Variants in SSR1 observed in about 807,000 individuals in gnomAD.
The protein encoded by SSR1 is signal sequence receptor subunit 1.
SSR1 carries 13 observed loss-of-function variants against 36.1 expected under a neutral mutation model. The observed-to-expected ratio is 0.36, with a 90% CI of 0.23 to 0.57. The LOEUF is 0.57. Ranked by LOEUF, SSR1 falls within the 20% of genes least tolerant of loss-of-function variation. The pLI is 0.81. For missense variants in SSR1, 291 were observed against 338.5 expected (o/e 0.86, Z 1.10); for synonymous variants, 113 against 118.9 (o/e 0.95, Z 0.32).
In SSR1 at chr6:7,285,127, G is replaced by A. The variant is rs1259314074; in HGVS notation, c.*4737C>T. Reference sequence around the variant, plus strand: ...ACCTAATTGTGAACTAGAAGCTGGGGATGAAAAACAAGCCAGATACAGAGC... The same window carrying A: ...ACCTAATTGTGAACTAGAAGCTGGGAATGAAAAACAAGCCAGATACAGAGC... On this transcript the variant is annotated 3_prime_UTR_variant, in exon 8 of 8. Coordinates refer to ENST00000244763, the MANE Select transcript of SSR1 (RefSeq NM_003144.5). This position sits in a 1 kb window ranked among gnomAD's most constrained non-coding sequence, Gnocchi z 4.1. 2.0e-5 allele frequency: 3 copies of A among 152,150 alleles called. No individual in the cohort carries two copies. The highest frequency in any genetic ancestry group is 4.4e-5 in the Non-Finnish European group (3 of 68,040). 9.4% of individuals were successfully genotyped at this position (152,150 alleles called of 1,614,324 possible).
At position 7,297,993 on chromosome 6, in the gene SSR1, A is replaced by G. The variant is rs549066739; in HGVS notation, c.629T>C (p.Met210Thr). The change falls in exon 6 of 8, where the codon ATG becomes ACG. Residue 210 changes from methionine (M) to threonine (T), a missense_variant. Physicochemically the swap from Met to Thr is moderately conservative, Grantham distance 81. Transcript: ENST00000244763. Reference protein sequence around the residue: ...EDGLDGETIFMYMFLAGLGLL... With the variant: ...EDGLDGETIFTYMFLAGLGLL... ...CCCAAGACCAGCAAGGAACATATACATAAAGATTCTGGTACAAAAGGAGAA... is the reference window on the plus strand; with the variant it reads ...CCCAAGACCAGCAAGGAACATATACGTAAAGATTCTGGTACAAAAGGAGAA... 2 of 1,612,942 alleles carry G rather than the reference A, an allele frequency of 1.2e-6. No individual in the cohort carries two copies. The highest frequency in any genetic ancestry group is 1.3e-5 in the African/African-American group (1 of 75,040).
chr6:7,302,915 G>A (rs1757969243), intron 3 of SSR1, among the ~76,000 whole-genome samples: 1 of 152,002 alleles, frequency 6.6e-6, no homozygotes, highest in South Asian at 2.1e-4. Context: ...GAGACGGACA[G>A]ATCACGAGGT....
intron 2 of SSR1, among the ~76,000 whole-genome samples, chr6:7,305,784 T>C (rs2113296236): frequency 6.6e-6 from 1 of 152,332 alleles, no homozygotes; most frequent in South Asian, 2.1e-4. Context: ...GATGGCCTTC[T>C]TCACTTTCTG....
intron 2 of SSR1, among the ~76,000 whole-genome samples, chr6:7,304,605 GTGTA>G (rs1758010718): frequency 1.3e-5 from 2 of 152,150 alleles, no homozygotes; most frequent in Non-Finnish European, 2.9e-5. Context: ...AATTTACTAA[GTGTA>G]TGTTTAAAAC....
At chr6:7,301,767 G>C (rs62387315) in intron 3 of SSR1, among the ~76,000 whole-genome samples, 195 bp from the exon 4 acceptor site, 2 of 152,008 alleles carry the variant, frequency 1.3e-5, no homozygotes, top group African/African-American at 2.4e-5. Flanking sequence ...CCTTTTGTCT[G>C]TACGCTAGCA....
At chr6:7,301,030 T>TA (rs1004759981) in intron 4 of SSR1, among the ~76,000 whole-genome samples, 5 of 152,180 alleles carry the variant, frequency 3.3e-5, no homozygotes, top group Non-Finnish European at 4.4e-5. Context: ...TAGCTTTACT[T>TA]ACATCTCCAT....
At chr6:7,290,001 G>T in intron 7 of SSR1, 70 bp from the exon 8 acceptor site, 1 of 1,332,382 alleles carries the variant, frequency 7.5e-7, no homozygotes, top group Non-Finnish European at 1.0e-6. Context: ...ATGTTAAAAA[G>T]TATTTACCTT....
At position 7,284,518 on chromosome 6, in the gene SSR1, G is replaced by A. The variant is rs551877246; in HGVS notation, c.*5346C>T. ...CCATGCTTCATGGGATGTTATTACAGTATGGTGCTTTACAGCGAAAATGAG... is the reference window on the plus strand; with the variant it reads ...CCATGCTTCATGGGATGTTATTACAATATGGTGCTTTACAGCGAAAATGAG... On this transcript the variant is annotated 3_prime_UTR_variant, in exon 8 of 8. Coordinates refer to ENST00000244763, the MANE Select transcript of SSR1 (RefSeq NM_003144.5). 6.6e-6 allele frequency: 1 copy of A among 152,168 alleles called. No homozygotes were observed. The highest frequency in any genetic ancestry group is 2.4e-5 in the African/African-American group (1 of 41,438). 9.4% of individuals were successfully genotyped at this position (152,168 alleles called of 1,614,324 possible).
intron 1 of SSR1, among the ~76,000 whole-genome samples, 153 bp downstream of exon 1, chr6:7,312,889 G>C (rs1056882215): frequency 2.6e-5 from 4 of 152,222 alleles, no homozygotes; most frequent in African/African-American, 9.6e-5. Flanking sequence ...GACCCCTGCT[G>C]CTACGAGCCT....
rs1319316401 is a variant in SSR1 at position 7,313,148 on chromosome 6, C to T, written c.-28G>A. 48 of 1,587,392 alleles carry T rather than the reference C, an allele frequency of 3.0e-5. No homozygotes were observed. The highest frequency in any genetic ancestry group is 4.7e-5 in the East Asian group (2 of 42,542). On this transcript the variant is annotated 5_prime_UTR_variant, in exon 1 of 8. Coordinates refer to ENST00000244763, the MANE Select transcript of SSR1 (RefSeq NM_003144.5). Reference sequence around the variant, plus strand: ...CGCTGCCGGTCCAGTGTCCAGTTTCCGTCGGCTAAGGCTCTCGGCGGCTCC... The same window carrying T: ...CGCTGCCGGTCCAGTGTCCAGTTTCTGTCGGCTAAGGCTCTCGGCGGCTCC...
At chr6:7,300,514 C>T (rs1757910189) in intron 4 of SSR1, among the ~76,000 whole-genome samples, 1 of 152,112 alleles carries the variant, frequency 6.6e-6, no homozygotes, top group Non-Finnish European at 1.5e-5. Flanking sequence ...ATATATGGTT[C>T]TATTTTATCT....
Position 7,285,228 on chromosome 6 carries a change from A to T in SSR1, c.*4636T>A, listed in dbSNP as rs1301638763. The T allele has an allele frequency of 6.6e-6, 1 of 152,232 alleles. No individual in the cohort carries two copies. The highest frequency in any genetic ancestry group is 1.5e-5 in the Non-Finnish European group (1 of 68,054). 9.4% of individuals were successfully genotyped at this position (152,232 alleles called of 1,614,324 possible). A position where few individuals can be genotyped will look rare whatever the true frequency, so the allele number is the denominator to read the frequency against. The stretch of plus-strand genomic sequence containing the variant: ...GACAGAAGTCTACATAAGGGACAGC[A>T]GGGGAACAAAAAAAGGCACAGTCAA... On this transcript the variant is annotated 3_prime_UTR_variant, in exon 8 of 8. Transcript: ENST00000244763. This position sits in a 1 kb window ranked among gnomAD's most constrained non-coding sequence, Gnocchi z 4.1.
intron 7 of SSR1, among the ~76,000 whole-genome samples, chr6:7,293,770 G>A (rs1030197667): frequency 2.6e-5 from 4 of 152,048 alleles, no homozygotes. Flanking sequence ...CCAATATACC[G>A]AGGGTCAATT....
At chr6:7,295,515 G>C (rs377434356) in intron 6 of SSR1, 30 bp from the exon 7 acceptor site, 1 of 1,485,520 alleles carries the variant, frequency 6.7e-7, no homozygotes, top group African/African-American at 1.4e-5. Flanking sequence ...TATTTTAAAG[G>C]AGTTCCGTTA....
intron 7 of SSR1, among the ~76,000 whole-genome samples, chr6:7,292,594 G>A (rs76021148): frequency 0.042 from 6,435 of 151,930 alleles, 319 homozygotes; most frequent in African/African-American, 0.13. Flanking sequence ...CTATGTGGCC[G>A]AGGCTGGATT....
rs1280858780 is a variant in SSR1 at position 7,282,938 on chromosome 6, T to G, written c.*6926A>C. On this transcript the variant is annotated 3_prime_UTR_variant, in exon 8 of 8. Transcript: ENST00000244763. ...CTCTGTAGAATTCAAGGGAATGAAA[T>G]CCGCTTCTCATACGTACCAAGGACC... 1 of 152,272 alleles carries G rather than the reference T, an allele frequency of 6.6e-6. No individual in the cohort carries two copies. Among genetic ancestry groups the G allele is most frequent in the Admixed American group, 6.5e-5 (1 of 15,290 alleles). The allele number at this position is 152,272 out of a possible 1,614,324, so 9.4% of individuals were successfully genotyped here.
intron 7 of SSR1, among the ~76,000 whole-genome samples, chr6:7,294,690 C>CAAATAAATAAAT (rs60987991): frequency 0.03 from 4,464 of 150,446 alleles, 197 homozygotes; most frequent in African/African-American, 0.097. Context: ...GATTCCATCT[C>CAAATAAATAAAT]AAATAAATAA....
intron 2 of SSR1, among the ~76,000 whole-genome samples, chr6:7,305,392 T>C (rs1471708209): frequency 1.3e-5 from 2 of 152,204 alleles, no homozygotes; most frequent in African/African-American, 2.4e-5. Context: ...CTGGTGACCT[T>C]AGCAATACTA....
rs920066335 is a variant in SSR1, at chr6:7,288,646, G to C, written c.*1218C>G. 6.6e-6 allele frequency: 1 copy of C among 152,544 alleles called. No individual in the cohort carries two copies. The highest frequency in any genetic ancestry group is 2.4e-5 in the African/African-American group (1 of 41,432). The allele number at this position is 152,544 out of a possible 1,614,324, so 9.4% of individuals were successfully genotyped here. A position where few individuals can be genotyped will look rare whatever the true frequency, so the allele number is the denominator to read the frequency against. On this transcript the variant is annotated 3_prime_UTR_variant, in exon 8 of 8. Coordinates refer to ENST00000244763, the MANE Select transcript of SSR1 (RefSeq NM_003144.5). ...GAATATGGCTTAAAGACAAGAGGGGGAGAGCCTCTTAATTGTTCATACTAT... is the reference window on the plus strand; with the variant it reads ...GAATATGGCTTAAAGACAAGAGGGGCAGAGCCTCTTAATTGTTCATACTAT...
Sources: gnomAD v4.1 joint callset for allele counts (sites outside exome capture counted in the v4.1 genomes callset) on GRCh38, gnomAD v4.1.1 for gene constraint, Gnocchi (gnomAD v3.1) non-coding constraint, MANE v1.5 for transcripts, NCBI Gene and HGNC (gene_info 2026-07-23, HGNC 2026-07-21) for gene names.